The following PCSK6 variants were observed in gnomAD, a reference collection of about 807,000 sequenced individuals.
PCSK6 encodes the protein proprotein convertase subtilisin/kexin type 6, also known as paired basic amino acid cleaving enzyme 4.
Under a neutral mutation model 123.3 loss-of-function variants are expected in PCSK6, and 85 were observed. The observed-to-expected ratio is 0.69, with a 90% CI of 0.58 to 0.83. The LOEUF (loss-of-function observed/expected upper bound fraction) is 0.83, where lower values mean the gene tolerates loss of function less well. Among genes scored for constraint, PCSK6 ranks in the 40% least tolerant of loss-of-function variants. The probability of loss-of-function intolerance (pLI) is 0.00; values close to 1 mark genes in which losing one functional copy is unlikely to be tolerated. For synonymous variants in PCSK6, 508 were observed against 516.0 expected (o/e 0.98, Z 0.21); for missense variants, 1,191 against 1,282.3 (o/e 0.93, Z 1.09).
Position 101,363,981 on chromosome 15 carries a change from G to T in PCSK6, c.1858+2215C>A, listed in dbSNP as rs149574652. On this transcript the variant is annotated intron_variant, in intron 13 of 21. Coordinates refer to ENST00000611716, the MANE Select transcript of PCSK6 (RefSeq NM_002570.5). The stretch of plus-strand genomic sequence containing the variant: ...TTATTTACTATTTTAAAACCAGAAA[G>T]AATACAACTGGGGGAGGTCCCAGAT... Among the ~76,000 whole-genome samples the T allele has an allele frequency of 3.9e-4, 60 of 152,274 alleles. 2 individuals are homozygous for T. The East Asian group carries it at 0.011, about 27-fold the overall frequency.
intron 1 of PCSK6, among the ~76,000 whole-genome samples, chr15:101,459,617 C>T (rs569378395): frequency 2.1e-5 from 3 of 144,588 alleles, no homozygotes; most frequent in East Asian, 2.0e-4. Context: ...CATTGTGCCA[C>T]GCCTCCCAGG....
intron 6 of PCSK6, among the ~76,000 whole-genome samples, chr15:101,399,524 C>T (rs186530326): frequency 1.9e-4 from 29 of 152,266 alleles, no homozygotes; most frequent in African/African-American, 6.5e-4. Flanking sequence ...TAAGCCTCTC[C>T]CAATGCCTGC....
At chr15:101,344,393 C>T (rs2040685994) in intron 13 of PCSK6, among the ~76,000 whole-genome samples, 1 of 152,162 alleles carries the variant, frequency 6.6e-6, no homozygotes, top group Non-Finnish European at 1.5e-5. Context: ...TGTATAGACC[C>T]TCTACATATT....
chr15:101,387,721 A>C (rs1435909515), intron 9 of PCSK6, among the ~76,000 whole-genome samples: 7 of 152,260 alleles, frequency 4.6e-5, no homozygotes. Flanking sequence ...CCAGACTCTC[A>C]GGGAGCATCT....
intron 1 of PCSK6, among the ~76,000 whole-genome samples, chr15:101,458,677 C>T (rs532328744): frequency 6.6e-6 from 1 of 152,322 alleles, no homozygotes; most frequent in South Asian, 2.1e-4. Flanking sequence ...CAGATTGGCT[C>T]CTCGCTCCTT....
rs145473971 is a variant in PCSK6, at chr15:101,407,872, C to T, written c.824-9296G>A. Among the ~76,000 whole-genome samples the T allele has an allele frequency of 6.4e-3, 979 of 152,326 alleles. 5 individuals carry two copies. The highest frequency in any genetic ancestry group is 9.5e-3 in the Admixed American group (145 of 15,304). ...TGGCCTTGCCAAACCTAAATAATACCGAAAATGATTGTACATATTTAAACA... is the reference window on the plus strand; with the variant it reads ...TGGCCTTGCCAAACCTAAATAATACTGAAAATGATTGTACATATTTAAACA... On this transcript the variant is annotated intron_variant, in intron 6 of 21. Transcript: ENST00000611716.
intron 13 of PCSK6, among the ~76,000 whole-genome samples, chr15:101,344,032 C>T (rs1055065766): frequency 4.6e-5 from 7 of 151,822 alleles, no homozygotes; most frequent in African/African-American, 9.7e-5. Context: ...GCCGAGATTG[C>T]GTCACTGCAC....
rs1004820135 is a variant in PCSK6 at position 101,443,468 on chromosome 15, G to A, written c.402+88C>T. On this transcript the variant is annotated intron_variant, in intron 2 of 21. Coordinates refer to ENST00000611716, the MANE Select transcript of PCSK6 (RefSeq NM_002570.5). The stretch of plus-strand genomic sequence containing the variant: ...AATATGGAAAACTCATGTCTATCCA[G>A]AATCACATTAAAATCCAGACTCCGC... The A allele has an allele frequency of 6.9e-6, 6 of 870,914 alleles. No homozygotes were observed. The East Asian group carries it at 1.5e-4, about 21-fold the overall frequency. 53.9% of individuals were successfully genotyped at this position (870,914 alleles called of 1,614,324 possible).
chr15:101,318,100 G>A (rs2040034254), intron 19 of PCSK6, among the ~76,000 whole-genome samples: 1 of 152,204 alleles, frequency 6.6e-6, no homozygotes, highest in African/African-American at 2.4e-5. Context: ...TAGAACAATT[G>A]TCATTTCTCA....
intron 9 of PCSK6, among the ~76,000 whole-genome samples, chr15:101,386,763 C>T (rs928191935): frequency 2.0e-5 from 3 of 152,242 alleles, no homozygotes; most frequent in Non-Finnish European, 2.9e-5. Context: ...TTGCTCCCGC[C>T]GTTCAGCTGT....
intron 13 of PCSK6, among the ~76,000 whole-genome samples, chr15:101,359,321 G>A (rs1033673478): frequency 4.6e-5 from 7 of 152,204 alleles, no homozygotes; most frequent in African/African-American, 1.2e-4. Context: ...TCAACCTTCT[G>A]AAAGCAAAGA....
At chr15:101,383,252 C>T (rs910213143) in intron 10 of PCSK6, among the ~76,000 whole-genome samples, 1 of 151,788 alleles carries the variant, frequency 6.6e-6, no homozygotes, top group Non-Finnish European at 1.5e-5. Context: ...ACTAAAAATA[C>T]AAAAATTAGC....
chr15:101,446,765 G>GTGGC (rs759713609), intron 1 of PCSK6, among the ~76,000 whole-genome samples: 13 of 152,372 alleles, frequency 8.5e-5, no homozygotes, highest in Middle Eastern at 3.4e-3. Context: ...GGGCTGGGAA[G>GTGGC]TGGCGGTCCA....
chr15:101,353,854 G>A (rs970818473), intron 13 of PCSK6, among the ~76,000 whole-genome samples: 1 of 152,218 alleles, frequency 6.6e-6, no homozygotes, highest in African/African-American at 2.4e-5. Flanking sequence ...TTCCAGGCAG[G>A]TGAGCTCAGT....
chr15:101,362,825 C>T (rs1476065350), intron 13 of PCSK6, among the ~76,000 whole-genome samples: 1 of 152,226 alleles, frequency 6.6e-6, no homozygotes, highest in African/African-American at 2.4e-5. Context: ...AGAAGGGCTC[C>T]TGAGCCCCCA....
intron 6 of PCSK6, among the ~76,000 whole-genome samples, chr15:101,423,468 G>C (rs2056151737): frequency 6.6e-6 from 1 of 152,000 alleles, no homozygotes; most frequent in African/African-American, 2.4e-5. Context: ...TAGCATGTTG[G>C]CCAGTCTGGT....
At position 101,305,683 on chromosome 15, in the gene PCSK6, G is replaced by C; in HGVS notation, c.2813-328C>G. ...AGATCATGCCACTGCACTCCAGCCT[G>C]GGCAAGAAGAACAAAACTCCGTCTC... is the stretch of plus-strand genomic sequence containing the variant. On this transcript the variant is annotated intron_variant, in intron 21 of 21. Coordinates refer to ENST00000611716, the MANE Select transcript of PCSK6 (RefSeq NM_002570.5). This position sits in a 1 kb window ranked among gnomAD's most constrained non-coding sequence, Gnocchi z 4.8. 1 of 203,430 alleles carries C rather than the reference G, an allele frequency of 4.9e-6. No homozygotes were observed. The highest frequency in any genetic ancestry group is 1.0e-5 in the Non-Finnish European group (1 of 100,268). The allele number at this position is 203,430 out of a possible 1,614,324, so 12.6% of individuals were successfully genotyped here.
At chr15:101,377,888 T>C (rs1177544840) in intron 11 of PCSK6, among the ~76,000 whole-genome samples, 1 of 152,216 alleles carries the variant, frequency 6.6e-6, no homozygotes, top group Non-Finnish European at 1.5e-5. Flanking sequence ...GTCTGGACAG[T>C]AACCTTCCAA....
At chr15:101,322,851 G>T (rs1338234412) in intron 17 of PCSK6, among the ~76,000 whole-genome samples, 2 of 152,224 alleles carry the variant, frequency 1.3e-5, no homozygotes, top group African/African-American at 4.8e-5. Context: ...CTCTGAGGTG[G>T]TTCTGCTTAT....
Sources: allele counts gnomAD v4.1 joint callset (sites outside exome capture counted in the v4.1 genomes callset), GRCh38; gene constraint gnomAD v4.1.1; non-coding constraint Gnocchi (gnomAD v3.1); transcripts MANE v1.5; gene names NCBI Gene and HGNC (gene_info 2026-07-23, HGNC 2026-07-21).